The following LSR variants were observed in gnomAD, a reference collection of about 807,000 sequenced individuals.
LSR encodes lipolysis stimulated lipoprotein receptor.
LSR carries 44 observed loss-of-function variants against 61.8 expected under a neutral mutation model. The observed-to-expected ratio is 0.71, with a 90% CI of 0.56 to 0.91. The LOEUF (loss-of-function observed/expected upper bound fraction) is 0.91, where lower values mean the gene tolerates loss of function less well. LSR is among the 40% of genes least tolerant of loss of function. LSR has a pLI of 0.00. For missense variants in LSR, 911 were observed against 830.5 expected (o/e 1.10, Z -1.19); for synonymous variants, 397 against 350.6 (o/e 1.13, Z -1.48).
At chr19:35,255,256 G>A (rs986713888) in intron 2 of LSR, among the ~76,000 whole-genome samples, 5 of 152,146 alleles carry the variant, frequency 3.3e-5, no homozygotes, top group African/African-American at 1.2e-4. Flanking sequence ...GGAGTTCGAA[G>A]CTGCAGTGAC....
At chr19:35,249,247 C>A in intron 1 of LSR, 116 bp downstream of exon 1, 1 of 1,295,378 alleles carries the variant, frequency 7.7e-7, no homozygotes, top group Non-Finnish European at 1.0e-6. Flanking sequence ...CTGGGACCTT[C>A]CGATCCCCTG....
Position 35,259,036 on chromosome 19 carries a change from T to C in LSR, c.546T>C (p.Asn182=), listed in dbSNP as rs754592259. 12 of 1,613,898 alleles carry C rather than the reference T, an allele frequency of 7.4e-6. No individual in the cohort carries two copies. The highest frequency in any genetic ancestry group is 6.6e-5 in the South Asian group (6 of 91,084). ...VVSAQDLQGN[N]EAYAELIVLG... ...CAGCCCAGGACCTCCAGGGGAACAA[T>C]GAGGCCTACGCAGAGCTCATCGTCC... is the stretch of plus-strand genomic sequence containing the variant. Residue 182 remains asparagine (N), a synonymous_variant, in exon 3 of 10, where the codon AAT becomes AAC. Coordinates refer to ENST00000605618, the MANE Select transcript of LSR (RefSeq NM_205834.4).
At position 35,262,581 on chromosome 19, in the gene LSR, T is replaced by C. The variant is rs371636402; in HGVS notation, c.667T>C (p.Phe223Leu). 2.5e-6 allele frequency: 4 copies of C among 1,614,244 alleles called. No individual in the cohort carries two copies. The highest frequency in any genetic ancestry group is 1.7e-5 in the Admixed American group (1 of 60,034). ...CGTGGTTGTGGTATGCCTGGCTGCC[T>C]TCCTCATCTTCCTCCTCCTGGGCAT... ...LFVVVVCLAAFLIFLLLGICW... is the reference protein window; with the variant it reads ...LFVVVVCLAALLIFLLLGICW... Residue 223 changes from phenylalanine to leucine, a missense_variant, in exon 5 of 10, where the codon TTC becomes CTC. Transcript: ENST00000605618.
rs1226258997 is a variant in LSR at position 35,249,140 on chromosome 19, C to T, written c.109+9C>T. 1 of 1,525,402 alleles carries T rather than the reference C, an allele frequency of 6.6e-7. No individual in the cohort carries two copies. Among genetic ancestry groups the T allele is most frequent in the Non-Finnish European group, 8.8e-7 (1 of 1,141,288 alleles). The allele number at this position is 1,525,402 out of a possible 1,614,324, so 94.5% of individuals were successfully genotyped here. A position where few individuals can be genotyped will look rare whatever the true frequency, so the allele number is the denominator to read the frequency against. ...TAGCACCTGGTGCACAGGTACGGGGCACGGGGCCTCTGACGCTGCGGAACG... is the reference window on the plus strand; with the variant it reads ...TAGCACCTGGTGCACAGGTACGGGGTACGGGGCCTCTGACGCTGCGGAACG... On this transcript the variant is annotated intron_variant, in intron 1 of 9. Transcript: ENST00000605618.
rs1599587662 is a variant in LSR, at chr19:35,250,227, G to A, written c.110-88G>A. 6.1e-6 allele frequency: 5 copies of A among 824,896 alleles called. 1 individual carries two copies. The highest frequency in any genetic ancestry group is 4.8e-5 in the Admixed American group (2 of 41,394). 51.1% of individuals were successfully genotyped at this position (824,896 alleles called of 1,614,324 possible). A position where few individuals can be genotyped will look rare whatever the true frequency, so the allele number is the denominator to read the frequency against. On this transcript the variant is annotated intron_variant, in intron 1 of 9. Transcript: ENST00000605618. Reference sequence around the variant, plus strand: ...GGCACTCTGTAAACCACATACTTGCGAGTGTCAAGCTGGTGACAGGTGGCG... The same window carrying A: ...GGCACTCTGTAAACCACATACTTGCAAGTGTCAAGCTGGTGACAGGTGGCG...
At chr19:35,255,103 G>A (rs547200993) in intron 2 of LSR, among the ~76,000 whole-genome samples, 28 of 152,152 alleles carry the variant, frequency 1.8e-4, no homozygotes, top group African/African-American at 6.7e-4. Context: ...TCAGGAGGCC[G>A]AGGCAGGAGG....
At chr19:35,249,363 T>A (rs2145485789) in intron 1 of LSR, 1 of 537,286 alleles carries the variant, frequency 1.9e-6, no homozygotes, top group East Asian at 3.4e-5. Flanking sequence ...TGAAACTCCC[T>A]GGACGGTGAG....
At chr19:35,251,257 T>C (rs183488230) in intron 2 of LSR, among the ~76,000 whole-genome samples, 45 of 152,226 alleles carry the variant, frequency 3.0e-4, no homozygotes, top group African/African-American at 1.0e-3. Flanking sequence ...CACATTGCAG[T>C]GAGAGAGACA....
chr19:35,252,089 C>T (rs979156350), intron 2 of LSR, among the ~76,000 whole-genome samples: 2 of 151,694 alleles, frequency 1.3e-5, no homozygotes, highest in Admixed American at 1.3e-4. Flanking sequence ...CCGCCTCGGC[C>T]TCCCAAAGTG....
chr19:35,252,169 A>T (rs959627921), intron 2 of LSR, among the ~76,000 whole-genome samples: 10 of 151,862 alleles, frequency 6.6e-5, no homozygotes, highest in Admixed American at 6.6e-4. Flanking sequence ...TCCTGATAGG[A>T]TGTGCCTGTT....
chr19:35,257,513 T>A (rs889237945), intron 2 of LSR, among the ~76,000 whole-genome samples: 3 of 152,188 alleles, frequency 2.0e-5, no homozygotes, highest in African/African-American at 7.2e-5. Flanking sequence ...GCCTTCCTTA[T>A]GAAGAAAGCA....
At chr19:35,254,463 C>T (rs887720250) in intron 2 of LSR, among the ~76,000 whole-genome samples, 1 of 152,210 alleles carries the variant, frequency 6.6e-6, no homozygotes, top group South Asian at 2.1e-4. Flanking sequence ...GGCATCCCTC[C>T]GGTCCGGTGG....
At chr19:35,249,673 G>C (rs1274648222) in intron 1 of LSR, among the ~76,000 whole-genome samples, 4 of 152,260 alleles carry the variant, frequency 2.6e-5, no homozygotes, top group African/African-American at 9.6e-5. Context: ...ATGGATTTAC[G>C]GACTTGAAAC....
intron 2 of LSR, among the ~76,000 whole-genome samples, chr19:35,254,880 G>A (rs951916724): frequency 1.3e-5 from 2 of 152,218 alleles, no homozygotes; most frequent in Non-Finnish European, 2.9e-5. Context: ...GAAAATGTCA[G>A]ACAGGTCAAA....
chr19:35,265,655 G>T (rs1426252703), intron 5 of LSR, among the ~76,000 whole-genome samples: 1 of 152,202 alleles, frequency 6.6e-6, no homozygotes, highest in Non-Finnish European at 1.5e-5. Context: ...AAGGGAGGAG[G>T]ATCTTACCTT....
chr19:35,256,690 T>C (rs1204433986), intron 2 of LSR, among the ~76,000 whole-genome samples: 6 of 144,250 alleles, frequency 4.2e-5, no homozygotes, highest in Non-Finnish European at 7.5e-5. Flanking sequence ...TCAGTAATTA[T>C]TGTTGAAGGA....
intron 2 of LSR, among the ~76,000 whole-genome samples, chr19:35,251,995 C>T (rs2519957): frequency 0.4 from 59,437 of 149,874 alleles, 13,471 homozygotes; most frequent in Non-Finnish European, 0.5. Flanking sequence ...CCACTACGCC[C>T]GGCTAATTTT....
In LSR at chr19:35,267,607, G is replaced by A; in HGVS notation, c.1643G>A (p.Arg548Lys). ...YDGRLLEEAV[R>K]KKGSEERRRP... ...GGGCGGCTACTGGAGGAGGCTGTGA[G>A]GAAGAAGGGGTCGGAGGAGAGGAGG... The change falls in exon 9 of 10, where the codon AGG becomes AAG. Residue 548 changes from arginine (R) to lysine (K), a missense_variant. Arg to Lys is a conservative substitution (Grantham distance 26). Transcript: ENST00000605618. The A allele has an allele frequency of 1.2e-6, 2 of 1,612,332 alleles. No homozygotes were observed. The highest frequency in any genetic ancestry group is 1.7e-6 in the Non-Finnish European group (2 of 1,179,676).
chr19:35,260,130 G>A (rs545058956), intron 3 of LSR, among the ~76,000 whole-genome samples: 1 of 152,190 alleles, frequency 6.6e-6, no homozygotes, highest in South Asian at 2.1e-4. Flanking sequence ...CCTGTTCTTC[G>A]GTAAAATGCA....
Sources: gnomAD v4.1 joint callset for allele counts (sites outside exome capture counted in the v4.1 genomes callset) on GRCh38, gnomAD v4.1.1 for gene constraint, MANE v1.5 for transcripts, NCBI Gene and HGNC (gene_info 2026-07-23, HGNC 2026-07-21) for gene names.